MANSC1: variants seen among roughly 807,000 people sequenced by gnomAD.
MANSC1 encodes MANSC domain containing 1.
In MANSC1, 13 loss-of-function variants were observed where a neutral mutation model predicts 14.1. That is an observed-to-expected ratio of 0.92 (90% CI 0.60 to 1.46). The LOEUF (loss-of-function observed/expected upper bound fraction) is 1.46. Ranked by LOEUF, MANSC1 falls within the 40% of genes most tolerant of loss-of-function variation. The pLI is 0.00. For missense variants in MANSC1, 486 were observed against 511.4 expected (o/e 0.95, Z 0.48); for synonymous variants, 227 against 200.7 (o/e 1.13, Z -1.11).
At chr12:12,339,144 T>G (rs1862901324) in intron 2 of MANSC1, 1 of 166,068 alleles carries the variant, frequency 6.0e-6, no homozygotes, top group Admixed American at 6.2e-5. Context: ...TCTCTGACAC[T>G]GATGTGGCCA....
rs1038008312 is a variant in MANSC1, at chr12:12,327,309, G to A, written c.*2718C>T. 1.3e-5 allele frequency: 2 copies of A among 152,312 alleles called. No homozygotes were observed. The highest frequency in any genetic ancestry group is 6.5e-5 in the Admixed American group (1 of 15,274). 9.4% of individuals were successfully genotyped at this position (152,312 alleles called of 1,614,324 possible). On this transcript the variant is annotated 3_prime_UTR_variant, in exon 4 of 4. Transcript: ENST00000535902. Reference sequence around the variant, plus strand: ...CTAGTCACTGCTGAATTCCTCTAAGGGATTCCCCTACCCTGACTGCCCTTG... The same window carrying A: ...CTAGTCACTGCTGAATTCCTCTAAGAGATTCCCCTACCCTGACTGCCCTTG...
chr12:12,337,009 G>A lies in MANSC1; in HGVS notation c.364+1411C>T, dbSNP rs111652868. 5.6e-4 allele frequency among the ~76,000 whole-genome samples: 85 copies of A among 152,260 alleles called. No individual in the cohort carries two copies. In the East Asian group the frequency reaches 0.011, roughly 20 times the overall value. On this transcript the variant is annotated intron_variant, in intron 3 of 3. Transcript: ENST00000535902. ...ATTGAAGCTGGGTGTAGTGGCTCACGCCTGTAATCCCAGCACTTTGGGAGG... is the reference window on the plus strand; with the variant it reads ...ATTGAAGCTGGGTGTAGTGGCTCACACCTGTAATCCCAGCACTTTGGGAGG...
At chr12:12,345,960 G>T (rs1008138694) in intron 1 of MANSC1, among the ~76,000 whole-genome samples, 2 of 152,184 alleles carry the variant, frequency 1.3e-5, no homozygotes, top group Non-Finnish European at 2.9e-5. Context: ...TGGATAGGAA[G>T]ACTTTATTTT....
rs567193297 is a variant in MANSC1, at chr12:12,328,102, T to G, written c.*1925A>C. The G allele has an allele frequency of 4.4e-4, 67 of 152,300 alleles. No homozygotes were observed. Among genetic ancestry groups the G allele is most frequent in the African/African-American group, 1.5e-3 (64 of 41,560 alleles). 9.4% of individuals were successfully genotyped at this position (152,300 alleles called of 1,614,324 possible). On this transcript the variant is annotated 3_prime_UTR_variant, in exon 4 of 4. Coordinates refer to ENST00000535902, the MANE Select transcript of MANSC1 (RefSeq NM_018050.4). Reference sequence around the variant, plus strand: ...TTTCCTGTTTTGCAGATAAGCAAATTGAAGTCCAGAGGAAAGAGGTATCAA... The same window carrying G: ...TTTCCTGTTTTGCAGATAAGCAAATGGAAGTCCAGAGGAAAGAGGTATCAA...
intron 3 of MANSC1, among the ~76,000 whole-genome samples, chr12:12,335,025 A>C (rs1384107571): frequency 6.6e-6 from 1 of 151,966 alleles, no homozygotes; most frequent in African/African-American, 2.4e-5. Context: ...CCATTCCACA[A>C]CCCTAAAACT....
intron 1 of MANSC1, among the ~76,000 whole-genome samples, chr12:12,348,717 CAA>C (rs58073340): frequency 1.5e-5 from 2 of 135,004 alleles, no homozygotes; most frequent in Non-Finnish European, 1.6e-5. Context: ...AAGGTAAAAC[CAA>C]AAAAAAAAAA....
chr12:12,338,343 T>C (rs1426919244), intron 3 of MANSC1, 77 bp downstream of exon 3: 4 of 1,312,694 alleles, frequency 3.0e-6, no homozygotes, highest in African/African-American at 1.5e-5. Flanking sequence ...TTATTTAGAC[T>C]CTTGTAGAAA....
intron 2 of MANSC1, among the ~76,000 whole-genome samples, chr12:12,340,649 A>C (rs532143938): frequency 2.4e-4 from 36 of 152,356 alleles, no homozygotes; most frequent in African/African-American, 8.4e-4. Flanking sequence ...TTTGAGATCC[A>C]TTAACTGAGG....
rs1862712900 is a variant in MANSC1 at position 12,326,805 on chromosome 12, T to A, written c.*3222A>T. 1.3e-5 allele frequency: 2 copies of A among 151,598 alleles called. No individual in the cohort carries two copies. Among genetic ancestry groups the A allele is most frequent in the Non-Finnish European group, 2.9e-5 (2 of 67,946 alleles). The allele number at this position is 151,598 out of a possible 1,614,324, so 9.4% of individuals were successfully genotyped here. On this transcript the variant is annotated 3_prime_UTR_variant, in exon 4 of 4. Coordinates refer to ENST00000535902, the MANE Select transcript of MANSC1 (RefSeq NM_018050.4). ...TGCCTGGCTAAGAGTAGCTTATTTT[T>A]ATTTTATTTTATTTTATTTTTTTGA...
At chr12:12,337,698 G>A (rs1469612327) in intron 3 of MANSC1, among the ~76,000 whole-genome samples, 1 of 151,882 alleles carries the variant, frequency 6.6e-6, no homozygotes, top group Non-Finnish European at 1.5e-5. Flanking sequence ...TTTTTATATG[G>A]ATAATCTCAA....
At chr12:12,331,710 G>GGGA (rs1484570189) in intron 3 of MANSC1, among the ~76,000 whole-genome samples, 1 of 152,088 alleles carries the variant, frequency 6.6e-6, no homozygotes, top group Non-Finnish European at 1.5e-5. Flanking sequence ...GTCTCTGACA[G>GGGA]GGAGGAGGAG....
intron 3 of MANSC1, 93 bp downstream of exon 3, chr12:12,338,327 G>C: frequency 8.7e-7 from 1 of 1,145,906 alleles, no homozygotes; most frequent in South Asian, 1.9e-5. Flanking sequence ...ACCCCTTCTG[G>C]TAGTTTTATT....
In MANSC1 at chr12:12,328,785, G is replaced by A. The variant is rs1010420256; in HGVS notation, c.*1242C>T. ...GGGCGGATCACAAGGTCAGGAGATC[G>A]AGACCATCCTGACTAACACAGTGAA... On this transcript the variant is annotated 3_prime_UTR_variant, in exon 4 of 4. Transcript: ENST00000535902. 3 of 151,214 alleles carry A rather than the reference G, an allele frequency of 2.0e-5. No individual in the cohort carries two copies. Among genetic ancestry groups the A allele is most frequent in the Non-Finnish European group, 4.4e-5 (3 of 67,746 alleles). 9.4% of individuals were successfully genotyped at this position (151,214 alleles called of 1,614,324 possible).
rs879180239 is a variant in MANSC1, at chr12:12,329,886, CAA to C, written c.*139_*140del. 2,012 of 605,300 alleles carry C rather than the reference CAA, an allele frequency of 3.3e-3. No homozygotes were observed. Among genetic ancestry groups the C allele is most frequent in the Middle Eastern group, 6.7e-3 (14 of 2,102 alleles). The allele number at this position is 605,300 out of a possible 1,614,324, so 37.5% of individuals were successfully genotyped here. A position where few individuals can be genotyped will look rare whatever the true frequency, so the allele number is the denominator to read the frequency against. On this transcript the variant is annotated 3_prime_UTR_variant, in exon 4 of 4. Coordinates refer to ENST00000535902, the MANE Select transcript of MANSC1 (RefSeq NM_018050.4). ...GGGCAACAAAGCAAGACTCTGTCTC[CAA>C]AAAAAAAAAAGGAAAGCAGAAGGGG... is the stretch of plus-strand genomic sequence containing the variant.
rs531342550 is a variant in MANSC1 at position 12,343,184 on chromosome 12, G to A, written c.131C>T (p.Ser44Phe). 5.0e-5 allele frequency: 81 copies of A among 1,613,762 alleles called. 1 individual carries two copies. In the South Asian group the frequency reaches 8.2e-4, roughly 16 times the overall value. Residue 44 changes from serine (S) to phenylalanine (F), a missense_variant, in exon 2 of 4, where the codon TCT becomes TTT. Transcript: ENST00000535902. ...ATTGCCTCTGATTCCCTTAGAAAGA[G>A]ATGACTGGATGTCAATGACAACATC... Reference protein sequence around the residue: ...LEDVVIDIQSSLSKGIRGNEP... With the variant: ...LEDVVIDIQSFLSKGIRGNEP...
intron 3 of MANSC1, among the ~76,000 whole-genome samples, chr12:12,333,943 A>C (rs1034170488): frequency 1.2e-4 from 19 of 152,180 alleles, no homozygotes; most frequent in Non-Finnish European, 2.5e-4. Flanking sequence ...CGTAAATATT[A>C]GTCAATGGGA....
rs185571660 is a variant in MANSC1 at position 12,347,987 on chromosome 12, C to T, written c.-101+2091G>A. Reference sequence around the variant, plus strand: ...CTGAGGCAGAAGAATCGCTTGAACCCGGGACGTGGAGGTTGCAGTGAGCCG... The same window carrying T: ...CTGAGGCAGAAGAATCGCTTGAACCTGGGACGTGGAGGTTGCAGTGAGCCG... On this transcript the variant is annotated intron_variant, in intron 1 of 3. Coordinates refer to ENST00000535902, the MANE Select transcript of MANSC1 (RefSeq NM_018050.4). Among the ~76,000 whole-genome samples, 701 of 152,072 alleles carry T rather than the reference C, an allele frequency of 4.6e-3. 5 individuals carry two copies. Among genetic ancestry groups the T allele is most frequent in the African/African-American group, 0.016 (653 of 41,490 alleles).
In MANSC1 at chr12:12,330,111, CA is replaced by C. The variant is rs1217782224; in HGVS notation, c.1211del (p.Leu404ArgfsTer20). 3.7e-6 allele frequency: 6 copies of C among 1,613,956 alleles called. No homozygotes were observed. Among genetic ancestry groups the C allele is most frequent in the Non-Finnish European group, 5.1e-6 (6 of 1,180,020 alleles). ...GGAGTGATTCCGAGAGGATTCTACCCAGGAGGACGAGGCCTATCACCAGGAA... is the reference window on the plus strand; with the variant it reads ...GGAGTGATTCCGAGAGGATTCTACCCGGAGGACGAGGCCTATCACCAGGAA... Reference protein sequence around the residue: ...VLFLVIGLVLLGRILSESLRR... With the variant: ...VLFLVIGLVLXGRILSESLRR... On this transcript the variant is annotated frameshift_variant, in exon 4 of 4. Coordinates refer to ENST00000535902, the MANE Select transcript of MANSC1 (RefSeq NM_018050.4). LOFTEE classifies it high-confidence loss of function.
At position 12,348,508 on chromosome 12, in the gene MANSC1, G is replaced by A. The variant is rs533367665; in HGVS notation, c.-101+1570C>T. Among the ~76,000 whole-genome samples, 4 of 152,298 alleles carry A rather than the reference G, an allele frequency of 2.6e-5. No individual in the cohort carries two copies. In the South Asian group the frequency reaches 6.2e-4, roughly 24 times the overall value. Reference sequence around the variant, plus strand: ...CTAAAAAAGGCAAACTACAGCGGCAGTAAGAAGGCCAGTGGTCACCAGGAG... The same window carrying A: ...CTAAAAAAGGCAAACTACAGCGGCAATAAGAAGGCCAGTGGTCACCAGGAG... On this transcript the variant is annotated intron_variant, in intron 1 of 3. Transcript: ENST00000535902.
Sources: gnomAD v4.1 joint callset for allele counts (sites outside exome capture counted in the v4.1 genomes callset) on GRCh38, gnomAD v4.1.1 for gene constraint, MANE v1.5 for transcripts, NCBI Gene and HGNC (gene_info 2026-07-23, HGNC 2026-07-21) for gene names.